Variants in NRXN2 observed in about 807,000 individuals in gnomAD.
The protein encoded by NRXN2 is neurexin 2, also known as neurexin-2-beta.
Under a neutral mutation model 128.8 loss-of-function variants are expected in NRXN2, and 29 were observed. The ratio of observed to expected loss-of-function variants is 0.23; its 90% CI spans 0.17 to 0.31. NRXN2 has a LOEUF of 0.31. Among genes scored for constraint, NRXN2 ranks in the 10% least tolerant of loss-of-function variants. NRXN2 has a pLI of 1.00. For synonymous variants in NRXN2, 1,098 were observed against 1,075.2 expected (o/e 1.02, Z -0.41); for missense variants, 1,881 against 2,452.6 (o/e 0.77, Z 4.92).
chr11:64,688,720 T>C (rs551844490), intron 5 of NRXN2: 3 of 985,350 alleles, frequency 3.0e-6, no homozygotes, highest in East Asian at 1.1e-4. Flanking sequence ...GGGGAGTCTG[T>C]AGCCCTACAA....
At chr11:64,659,538 G>C (rs1343333625) in intron 11 of NRXN2, 2 of 152,756 alleles carry the variant, frequency 1.3e-5, no homozygotes, top group East Asian at 1.9e-4. Context: ...GTGGCCTGAG[G>C]GGGAGGGTCA....
rs2057221247 is a variant in NRXN2, at chr11:64,714,378, C to G, written c.-244-435G>C. 6.6e-6 allele frequency among the ~76,000 whole-genome samples: 1 copy of G among 152,176 alleles called. No homozygotes were observed. The highest frequency in any genetic ancestry group is 6.5e-5 in the Admixed American group (1 of 15,278). On this transcript the variant is annotated intron_variant, in intron 1 of 22. Transcript: ENST00000265459. This position sits in a 1 kb window ranked among gnomAD's most constrained non-coding sequence, Gnocchi z 4.5. ...TCCCACCTCCAGCCACTGTTCCTCT[C>G]ATCAGCTCTTGATACTGGATAATGA...
At chr11:64,673,688 T>G (rs1243697432) in intron 7 of NRXN2, among the ~76,000 whole-genome samples, 1 of 151,296 alleles carries the variant, frequency 6.6e-6, no homozygotes, top group African/African-American at 2.4e-5. Context: ...TTTGTTTTGT[T>G]TGTGTGTGTG....
intron 17 of NRXN2, among the ~76,000 whole-genome samples, chr11:64,645,516 A>G (rs759597723): frequency 6.6e-6 from 1 of 151,860 alleles, no homozygotes; most frequent in Non-Finnish European, 1.5e-5. Context: ...TGATGGGAAC[A>G]CCTCGGTCCC....
intron 6 of NRXN2, among the ~76,000 whole-genome samples, chr11:64,680,693 G>A (rs2052102958): frequency 6.6e-6 from 1 of 152,140 alleles, no homozygotes; most frequent in South Asian, 2.1e-4. Context: ...TGAGGCCAGG[G>A]GCTAGTGGGG....
At chr11:64,680,561 C>A (rs534518006) in intron 6 of NRXN2, among the ~76,000 whole-genome samples, 3 of 152,186 alleles carry the variant, frequency 2.0e-5, no homozygotes, top group African/African-American at 7.2e-5. Flanking sequence ...AACTGGATAA[C>A]CTTGAGCAAG....
rs150779511 is a variant in NRXN2, at chr11:64,709,776, C to T, written c.730+3194G>A. 1.1e-3 allele frequency among the ~76,000 whole-genome samples: 171 copies of T among 152,206 alleles called. No homozygotes were observed. In the Middle Eastern group the frequency reaches 0.02, roughly 18 times the overall value. Reference sequence around the variant, plus strand: ...CAGAAATGAATAAAGACACAACCCTCCCCCTTTACCACAAAGCACTGCTCT... The same window carrying T: ...CAGAAATGAATAAAGACACAACCCTTCCCCTTTACCACAAAGCACTGCTCT... On this transcript the variant is annotated intron_variant, in intron 2 of 22. Transcript: ENST00000265459.
chr11:64,630,709 G>A lies in NRXN2; in HGVS notation c.3586-136C>T. 1 of 1,019,876 alleles carries A rather than the reference G, an allele frequency of 9.8e-7. No homozygotes were observed. The highest frequency in any genetic ancestry group is 1.5e-6 in the Non-Finnish European group (1 of 678,616). 63.2% of individuals were successfully genotyped at this position (1,019,876 alleles called of 1,614,324 possible). A position where few individuals can be genotyped will look rare whatever the true frequency, so the allele number is the denominator to read the frequency against. On this transcript the variant is annotated intron_variant, in intron 18 of 22. Coordinates refer to ENST00000265459, the MANE Select transcript of NRXN2 (RefSeq NM_015080.4). The surrounding 1 kb of genome is among the most constrained non-coding windows in gnomAD (Gnocchi z 4.6). ...TTCCCAGGTCTCAACCGCTGGAGGA[G>A]GTGGGCAGGCTCGCTCCCCTTCCCC...
chr11:64,609,092 G>A (rs376136895), intron 22 of NRXN2, among the ~76,000 whole-genome samples: 51 of 152,046 alleles, frequency 3.4e-4, no homozygotes, highest in African/African-American at 1.1e-3. Flanking sequence ...GTCCTGTCCC[G>A]TAGGACTCTG....
chr11:64,655,056 C>T (rs544542499), intron 11 of NRXN2, among the ~76,000 whole-genome samples: 1 of 152,324 alleles, frequency 6.6e-6, no homozygotes, highest in African/African-American at 2.4e-5. Flanking sequence ...GTCGCTCCAC[C>T]CCAAATAGGC....
Position 64,622,603 on chromosome 11 carries a change from G to A in NRXN2, c.4173+150C>T, listed in dbSNP as rs1050057769. 1.3e-5 allele frequency: 15 copies of A among 1,167,056 alleles called. No homozygotes were observed. Among genetic ancestry groups the A allele is most frequent in the African/African-American group, 1.1e-4 (7 of 65,416 alleles). 72.3% of individuals were successfully genotyped at this position (1,167,056 alleles called of 1,614,324 possible). The stretch of plus-strand genomic sequence containing the variant: ...TTCCTGAAAGGTGACCTTGCCCATC[G>A]CCATGGCAACAAAGTCAGCGACAGC... On this transcript the variant is annotated intron_variant, in intron 21 of 22. Transcript: ENST00000265459. This position sits in a 1 kb window ranked among gnomAD's most constrained non-coding sequence, Gnocchi z 4.3.
At chr11:64,694,985 A>G (rs1371831770) in intron 3 of NRXN2, among the ~76,000 whole-genome samples, 1 of 152,106 alleles carries the variant, frequency 6.6e-6, no homozygotes, top group Non-Finnish European at 1.5e-5. Flanking sequence ...CCTCGTTAGC[A>G]TTCGGCAGTC....
chr11:64,636,959 TG>T (rs774766919), intron 17 of NRXN2, among the ~76,000 whole-genome samples: 4 of 151,964 alleles, frequency 2.6e-5, no homozygotes, highest in Non-Finnish European at 4.4e-5. Flanking sequence ...CTGAGTGCTT[TG>T]GGGGGAGCCA....
Position 64,667,653 on chromosome 11 carries a change from T to G in NRXN2, c.1395A>C (p.Leu465=). The G allele has an allele frequency of 6.2e-7, 1 of 1,614,144 alleles. No individual in the cohort carries two copies. The highest frequency in any genetic ancestry group is 8.5e-7 in the Non-Finnish European group (1 of 1,180,028). The change falls in exon 9 of 23, where the codon CTA becomes CTC. Residue 465 remains leucine, a synonymous_variant. Transcript: ENST00000265459. This position sits in a 1 kb window ranked among gnomAD's most constrained non-coding sequence, Gnocchi z 5.6. The part of the protein sequence containing the change: ...VYKNNDFKLE[L]SRLAKEGDPK... ...GGTCCCCTTCCTTTGCCAGGCGGGA[T>G]AGTTCCAATTTGAAGTCATTGTTCT...
Position 64,623,327 on chromosome 11 carries a change from G to C in NRXN2, c.3848-249C>G. 1 of 596,618 alleles carries C rather than the reference G, an allele frequency of 1.7e-6. No homozygotes were observed. The highest frequency in any genetic ancestry group is 2.9e-6 in the Non-Finnish European group (1 of 343,328). 37.0% of individuals were successfully genotyped at this position (596,618 alleles called of 1,614,324 possible). A position where few individuals can be genotyped will look rare whatever the true frequency, so the allele number is the denominator to read the frequency against. ...GGGCACCCAGGGTACACATGGGCTG[G>C]GGAAGGGGAGCCCAGTCCCTCCTCC... is the stretch of plus-strand genomic sequence containing the variant. On this transcript the variant is annotated intron_variant, in intron 20 of 22. Coordinates refer to ENST00000265459, the MANE Select transcript of NRXN2 (RefSeq NM_015080.4). The surrounding 1 kb of genome is among the most constrained non-coding windows in gnomAD (Gnocchi z 4.9).
At chr11:64,644,382 A>C (rs2046321462) in intron 17 of NRXN2, among the ~76,000 whole-genome samples, 2 of 149,104 alleles carry the variant, frequency 1.3e-5, no homozygotes, top group Non-Finnish European at 1.5e-5. Flanking sequence ...CTCCACTACC[A>C]CTGCCCCTCC....
chr11:64,620,176 G>T (rs1230525176), intron 22 of NRXN2, 118 bp downstream of exon 22: 7 of 771,254 alleles, frequency 9.1e-6, no homozygotes, highest in Non-Finnish European at 1.3e-5. Flanking sequence ...GAACTATCAG[G>T]GAAAGCTAAG....
intron 2 of NRXN2, among the ~76,000 whole-genome samples, chr11:64,698,634 A>C (rs1592196742): frequency 6.6e-6 from 1 of 152,368 alleles, no homozygotes; most frequent in East Asian, 1.9e-4. Context: ...GTCCAAATTC[A>C]GTGGGCCACA....
At position 64,651,725 on chromosome 11, in the gene NRXN2, GC is replaced by G; in HGVS notation, c.2537-90del. 1 of 1,441,628 alleles carries G rather than the reference GC, an allele frequency of 6.9e-7. No homozygotes were observed. The highest frequency in any genetic ancestry group is 9.6e-7 in the Non-Finnish European group (1 of 1,040,924). The allele number at this position is 1,441,628 out of a possible 1,614,324, so 89.3% of individuals were successfully genotyped here. On this transcript the variant is annotated intron_variant, in intron 13 of 22. Coordinates refer to ENST00000265459, the MANE Select transcript of NRXN2 (RefSeq NM_015080.4). This position sits in a 1 kb window ranked among gnomAD's most constrained non-coding sequence, Gnocchi z 5.9. ...CCAGGAGCCTCCCCTCCACAGGAGG[GC>G]CACCCATGAGTGACATCTTTAGAGA...
Sources: allele counts gnomAD v4.1 joint callset (sites outside exome capture counted in the v4.1 genomes callset), GRCh38; gene constraint gnomAD v4.1.1; non-coding constraint Gnocchi (gnomAD v3.1); transcripts MANE v1.5; gene names NCBI Gene and HGNC (gene_info 2026-07-23, HGNC 2026-07-21).